TM4SF19: variants seen among roughly 807,000 people sequenced by gnomAD.
TM4SF19 encodes the protein transmembrane 4 L6 family member 19.
A neutral mutation model predicts 21.8 loss-of-function variants in TM4SF19; 17 were observed. The observed-to-expected ratio is 0.78, with a 90% CI of 0.53 to 1.17. The LOEUF (loss-of-function observed/expected upper bound fraction) is 1.17. Ranked by LOEUF, TM4SF19 falls within the 50% of genes most tolerant of loss-of-function variation. The pLI is 0.00. For synonymous variants in TM4SF19, 107 were observed against 106.7 expected (o/e 1.00, Z -0.02); for missense variants, 216 against 252.1 (o/e 0.86, Z 0.97).
chr3:196,336,063 AC>A (rs1285165214), intron 1 of TM4SF19, among the ~76,000 whole-genome samples: 1 of 150,866 alleles, frequency 6.6e-6, no homozygotes, highest in African/African-American at 2.4e-5. Flanking sequence ...AGCAACATCA[AC>A]CCCCCTGACG....
At chr3:196,330,904 T>A in intron 1 of TM4SF19, among the ~76,000 whole-genome samples, 1 of 152,340 alleles carries the variant, frequency 6.6e-6, no homozygotes, top group Middle Eastern at 3.4e-3. Context: ...AGATAAATTA[T>A]AAAATGCCTC....
intron 1 of TM4SF19, among the ~76,000 whole-genome samples, chr3:196,333,365 T>G (rs746789901): frequency 2.0e-5 from 3 of 152,228 alleles, no homozygotes; most frequent in Non-Finnish European, 2.9e-5. Context: ...GTTTAATTTA[T>G]AAATCAGGCA....
At chr3:196,329,780 G>C (rs1727435436) in intron 1 of TM4SF19, among the ~76,000 whole-genome samples, 1 of 126,112 alleles carries the variant, frequency 7.9e-6, no homozygotes, top group Non-Finnish European at 1.7e-5. Flanking sequence ...AAAGAAAGTA[G>C]ACTGGAGGTT....
intron 3 of TM4SF19, among the ~76,000 whole-genome samples, chr3:196,326,351 G>A (rs1727288668): frequency 1.3e-5 from 2 of 152,000 alleles, no homozygotes; most frequent in Admixed American, 1.3e-4. Context: ...AGCAGGCTGT[G>A]GAGTTACCAT....
intron 1 of TM4SF19, among the ~76,000 whole-genome samples, chr3:196,333,739 A>G (rs571354442): frequency 2.0e-5 from 3 of 152,304 alleles, no homozygotes; most frequent in African/African-American, 7.2e-5. Flanking sequence ...CCCCGGATCT[A>G]AAATAAAAGT....
At chr3:196,326,814 C>T (rs1360275420) in intron 3 of TM4SF19, 141 bp downstream of exon 3, 1 of 574,106 alleles carries the variant, frequency 1.7e-6, no homozygotes, top group Admixed American at 2.8e-5. Context: ...GCAACTTGCC[C>T]AAGAACTTAG....
intron 1 of TM4SF19, among the ~76,000 whole-genome samples, chr3:196,333,118 G>A (rs1727586564): frequency 6.6e-6 from 1 of 152,180 alleles, no homozygotes; most frequent in Non-Finnish European, 1.5e-5. Flanking sequence ...AAAATGTTGG[G>A]ATTACAGGCG....
In TM4SF19 at chr3:196,323,733, A is replaced by G. The variant is rs747196879; in HGVS notation, c.*84T>C. 6.8e-6 allele frequency: 11 copies of G among 1,607,456 alleles called. No homozygotes were observed. Among genetic ancestry groups the G allele is most frequent in the South Asian group, 1.1e-5 (1 of 90,608 alleles). ...GGATACCTAAAGGGGAAGTTTGTTT[A>G]TAATTCGTACCCACTCCTTGTAGAA... On this transcript the variant is annotated 3_prime_UTR_variant, in exon 5 of 5. Coordinates refer to ENST00000273695, the MANE Select transcript of TM4SF19 (RefSeq NM_138461.4).
In TM4SF19 at chr3:196,323,875, A is replaced by G; in HGVS notation, c.572T>C (p.Val191Ala). Residue 191 changes from valine (V) to alanine (A), a missense_variant, in exon 5 of 5, where the codon GTG becomes GCG. By Grantham distance (64) the Val-to-Ala change is moderately conservative (BLOSUM62 0). Transcript: ENST00000273695. ...GAGGCTGTTGATGACATGAACGACC[A>G]CCAGGAGAAGCTGGAGCAGGCTGAT... ...LCISLLQLLL[V>A]VVHVINSLLG... 2 of 1,614,196 alleles carry G rather than the reference A, an allele frequency of 1.2e-6. No homozygotes were observed. Among genetic ancestry groups the G allele is most frequent in the Non-Finnish European group, 1.7e-6 (2 of 1,180,038 alleles).
At chr3:196,331,092 G>A (rs777292864) in intron 1 of TM4SF19, among the ~76,000 whole-genome samples, 9 of 151,916 alleles carry the variant, frequency 5.9e-5, no homozygotes, top group Non-Finnish European at 1.3e-4. Flanking sequence ...TGGTCAACAT[G>A]GTGAAACCGT....
chr3:196,327,474 A>G lies in TM4SF19; in HGVS notation c.117T>C (p.Pro39=), dbSNP rs765460448. The change falls in exon 2 of 5, where the codon CCT becomes CCC. Residue 39 remains proline, a synonymous_variant. Coordinates refer to ENST00000273695, the MANE Select transcript of TM4SF19 (RefSeq NM_138461.4). ...AAGANVALLL[P]NWDVTYLLRG... The stretch of plus-strand genomic sequence containing the variant: ...TCAACAGGTAGGTGACATCCCAGTT[A>G]GGAAGGAGGAGTGCCACGTTGGCCC... 4 of 1,614,152 alleles carry G rather than the reference A, an allele frequency of 2.5e-6. No homozygotes were observed. In the South Asian group the frequency reaches 4.4e-5, roughly 18 times the overall value.
At chr3:196,337,876 C>T (rs2108815612) in intron 1 of TM4SF19, among the ~76,000 whole-genome samples, 2 of 152,156 alleles carry the variant, frequency 1.3e-5, no homozygotes, top group South Asian at 4.2e-4. Context: ...GAATCTCTCC[C>T]CCGAGAAGGC....
chr3:196,336,576 G>A (rs922827820), intron 1 of TM4SF19, among the ~76,000 whole-genome samples: 19 of 152,264 alleles, frequency 1.2e-4, no homozygotes, highest in Admixed American at 6.5e-5. Flanking sequence ...CCGCACTGCG[G>A]CTTCGTGTGA....
At chr3:196,328,399 A>T (rs2108807782) in intron 1 of TM4SF19, among the ~76,000 whole-genome samples, 1 of 152,330 alleles carries the variant, frequency 6.6e-6, no homozygotes, top group South Asian at 2.1e-4. Flanking sequence ...GAGTTTAGCA[A>T]CGTCATAGAA....
intron 1 of TM4SF19, among the ~76,000 whole-genome samples, chr3:196,337,749 A>C (rs1052045440): frequency 3.3e-5 from 5 of 152,116 alleles, no homozygotes; most frequent in African/African-American, 1.2e-4. Flanking sequence ...GCCCTTTTCC[A>C]AGTGTACTTT....
In TM4SF19 at chr3:196,323,709, G is replaced by T. The variant is rs922526055; in HGVS notation, c.*108C>A. 5.1e-6 allele frequency: 8 copies of T among 1,580,884 alleles called. No homozygotes were observed. The highest frequency in any genetic ancestry group is 5.2e-6 in the Non-Finnish European group (6 of 1,162,216). The stretch of plus-strand genomic sequence containing the variant: ...ATTTTGTTGTCATTATTACTCCAGG[G>T]ATACCTAAAGGGGAAGTTTGTTTAT... On this transcript the variant is annotated 3_prime_UTR_variant, in exon 5 of 5. Transcript: ENST00000273695.
intron 1 of TM4SF19, among the ~76,000 whole-genome samples, chr3:196,331,467 A>T (rs1727504043): frequency 6.6e-6 from 1 of 151,212 alleles, no homozygotes; most frequent in Admixed American, 6.6e-5. Flanking sequence ...TATTTATTTA[A>T]TTTATTTATT....
Position 196,329,976 on chromosome 3 carries a change from A to G in TM4SF19, c.-1-2385T>C, listed in dbSNP as rs1330785379. 1.3e-4 allele frequency among the ~76,000 whole-genome samples: 18 copies of G among 143,064 alleles called. 1 individual carries two copies. Among genetic ancestry groups the G allele is most frequent in the African/African-American group, 4.5e-4 (18 of 40,014 alleles). The allele number at this position is 143,064 out of a possible 152,430, so 93.9% of individuals were successfully genotyped here. ...AACCTCTGCCTCCTGGGCTCAAGCA[A>G]TTCTCCTGCCTCAGCCTCCCAAGTA... On this transcript the variant is annotated intron_variant, in intron 1 of 4. Transcript: ENST00000273695.
chr3:196,333,449 TGTG>T (rs1344146833), intron 1 of TM4SF19, among the ~76,000 whole-genome samples: 4 of 152,194 alleles, frequency 2.6e-5, no homozygotes, highest in Non-Finnish European at 5.9e-5. Flanking sequence ...GTTATGTGAA[TGTG>T]GTCTTTCTCA....
Sources: gnomAD v4.1 joint callset for allele counts (sites outside exome capture counted in the v4.1 genomes callset) on GRCh38, gnomAD v4.1.1 for gene constraint, MANE v1.5 for transcripts, NCBI Gene and HGNC (gene_info 2026-07-23, HGNC 2026-07-21) for gene names.